FRMPD2: variants seen among roughly 807,000 people sequenced by gnomAD.
FRMPD2 encodes the protein FERM and PDZ domain-containing protein 2.
FRMPD2 carries 96 observed loss-of-function variants against 140.1 expected under a neutral mutation model. The ratio of observed to expected loss-of-function variants is 0.69; its 90% CI spans 0.58 to 0.81. The LOEUF is 0.81. Among genes scored for constraint, FRMPD2 ranks in the 40% least tolerant of loss-of-function variants. The pLI is 0.00. For synonymous variants in FRMPD2, 449 were observed against 547.6 expected, an observed-to-expected ratio of 0.82 and a Z score of 2.52; for missense variants, 1,240 against 1,447.4, an observed-to-expected ratio of 0.86 and a Z score of 2.32.
chr10:48,172,692 A>G (rs1176189795), intron 25 of FRMPD2, among the ~76,000 whole-genome samples: 5 of 151,904 alleles, frequency 3.3e-5, no homozygotes, highest in African/African-American at 1.2e-4. Context: ...CTGGCAGCTG[A>G]TCAAAGGACT....
In FRMPD2 at chr10:48,223,251, C is replaced by G; in HGVS notation, c.1188G>C (p.Leu396=). 6.2e-7 allele frequency: 1 copy of G among 1,613,110 alleles called. No homozygotes were observed. Among genetic ancestry groups the G allele is most frequent in the Non-Finnish European group, 8.5e-7 (1 of 1,179,544 alleles). ...AYMKSKEFFF[L]DSETRLCKIA... ...TTTTGCACAATCTGGTTTCACTGTC[C>G]AGGAAAAAGAACTCTTTGCCTGAAA... Residue 396 remains leucine (L), a synonymous_variant, in exon 11 of 29, where the codon CTG becomes CTC. Transcript: ENST00000374201.
chr10:48,211,154 ATGTGCTTTT>A (rs1839313105), intron 13 of FRMPD2, among the ~76,000 whole-genome samples: 1 of 152,258 alleles, frequency 6.6e-6, no homozygotes, highest in Non-Finnish European at 1.5e-5. Flanking sequence ...GACAAAGAGC[ATGTGCTTTT>A]TGTCTCCATT....
rs768290532 is a variant in FRMPD2 at position 48,184,566 on chromosome 10, C to A, written c.2584G>T (p.Gly862Cys). The A allele has an allele frequency of 5.7e-6, 9 of 1,591,258 alleles. No homozygotes were observed. The South Asian group carries it at 7.7e-5, about 14-fold the overall frequency. Residue 862 changes from glycine (G) to cysteine (C), a missense_variant and splice_region_variant, in exon 20 of 29, where the codon GGT (glycine) becomes TGT (cysteine). By Grantham distance (159) the Gly-to-Cys change is radical (BLOSUM62 -3). Transcript: ENST00000374201. ...CTCCCAAGAGTGGGTTAAAACATAC[C>A]TTTTGACTGAGAAATAATTAATTCT... ...NIELIISQSK[G>C]VGGNNPDEEK...
intron 24 of FRMPD2, among the ~76,000 whole-genome samples, chr10:48,174,387 A>G (rs1339521356): frequency 6.6e-6 from 1 of 152,234 alleles, no homozygotes; most frequent in Non-Finnish European, 1.5e-5. Context: ...CCTCATTGTG[A>G]GGAAAAGAAT....
chr10:48,264,556 G>C (rs187718664), intron 1 of FRMPD2, among the ~76,000 whole-genome samples: 2 of 152,076 alleles, frequency 1.3e-5, no homozygotes, highest in East Asian at 3.9e-4. Context: ...AAATTTTGAA[G>C]TATGTAGAAA....
chr10:48,232,509 G>A (rs1293109696), intron 9 of FRMPD2, among the ~76,000 whole-genome samples: 1 of 152,202 alleles, frequency 6.6e-6, no homozygotes, highest in Non-Finnish European at 1.5e-5. Flanking sequence ...GGCAGGAACT[G>A]GACTCAAATC....
intron 12 of FRMPD2, among the ~76,000 whole-genome samples, chr10:48,221,016 T>C (rs1839573647): frequency 6.6e-6 from 1 of 152,196 alleles, no homozygotes; most frequent in Non-Finnish European, 1.5e-5. Flanking sequence ...ACAACCACTA[T>C]GGAAAGCAGT....
At chr10:48,260,624 T>C (rs1301597934) in intron 1 of FRMPD2, among the ~76,000 whole-genome samples, 2 of 152,152 alleles carry the variant, frequency 1.3e-5, no homozygotes, top group African/African-American at 4.8e-5. Flanking sequence ...TACCTACAGC[T>C]ATAGCAAACA....
rs373306632 is a variant in FRMPD2, at chr10:48,238,217, G to T, written c.789-94C>A. The T allele has an allele frequency of 1.2e-4, 150 of 1,290,726 alleles. 1 individual carries two copies. In the African/African-American group the frequency reaches 1.8e-3, roughly 16 times the overall value. 80.0% of individuals were successfully genotyped at this position (1,290,726 alleles called of 1,614,324 possible). A position where few individuals can be genotyped will look rare whatever the true frequency, so the allele number is the denominator to read the frequency against. ...CCGCACAGGGGCTCAGTTGGGCAGG[G>T]TGCACCCACTGATGCATGTCACCTT... is the stretch of plus-strand genomic sequence containing the variant. On this transcript the variant is annotated intron_variant, in intron 7 of 28. Transcript: ENST00000374201.
chr10:48,216,589 G>T (rs1839456480), intron 12 of FRMPD2, among the ~76,000 whole-genome samples: 1 of 152,214 alleles, frequency 6.6e-6, no homozygotes, highest in South Asian at 2.1e-4. Context: ...AAGGTTAGCA[G>T]TTGTGTCATT....
chr10:48,177,351 T>A (rs1480563848), intron 22 of FRMPD2: 2 of 151,254 alleles, frequency 1.3e-5, no homozygotes, highest in East Asian at 3.9e-4. Flanking sequence ...GACCTTGCGA[T>A]CCACCCGCCT....
chr10:48,201,146 T>A, intron 15 of FRMPD2, 82 bp downstream of exon 15: 1 of 1,070,204 alleles, frequency 9.3e-7, no homozygotes, highest in Non-Finnish European at 1.3e-6. Context: ...GGTCCCCAGA[T>A]CAATTGTATC....
chr10:48,239,509 C>A (rs1406926609), intron 7 of FRMPD2, 96 bp downstream of exon 7: 1 of 810,978 alleles, frequency 1.2e-6, no homozygotes, highest in Admixed American at 2.5e-5. Context: ...GAGCAAGAGG[C>A]TTCTTACTAA....
chr10:48,240,163 T>C (rs1272764291), intron 6 of FRMPD2, among the ~76,000 whole-genome samples, 197 bp downstream of exon 6: 1 of 152,238 alleles, frequency 6.6e-6, no homozygotes, highest in Non-Finnish European at 1.5e-5. Context: ...AACTGTGTTG[T>C]GTCCCCAAAT....
chr10:48,182,582 C>G (rs1414642169), intron 20 of FRMPD2, among the ~76,000 whole-genome samples: 1 of 152,194 alleles, frequency 6.6e-6, no homozygotes, highest in Non-Finnish European at 1.5e-5. Flanking sequence ...GAAACATCTT[C>G]CTCTGGCAGT....
chr10:48,182,394 T>G (rs1279770569), intron 20 of FRMPD2, among the ~76,000 whole-genome samples: 1 of 152,198 alleles, frequency 6.6e-6, no homozygotes, highest in Non-Finnish European at 1.5e-5. Context: ...CTGGGAGACC[T>G]TTTTTGGTAA....
chr10:48,270,442 G>C (rs987708073), intron 1 of FRMPD2, among the ~76,000 whole-genome samples: 1 of 152,186 alleles, frequency 6.6e-6, no homozygotes, highest in Non-Finnish European at 1.5e-5. Flanking sequence ...TGACAAAGAT[G>C]TATATTCAAA....
chr10:48,243,730 G>A (rs1394769879), intron 4 of FRMPD2, among the ~76,000 whole-genome samples: 1 of 152,126 alleles, frequency 6.6e-6, no homozygotes, highest in South Asian at 2.1e-4. Flanking sequence ...TCGTGAGCTG[G>A]TCTCTTAGAA....
intron 24 of FRMPD2, among the ~76,000 whole-genome samples, chr10:48,174,467 C>A (rs2579670): frequency 2.0e-5 from 3 of 152,060 alleles, no homozygotes; most frequent in Non-Finnish European, 2.9e-5. Context: ...GAACAGGGAA[C>A]GGAGTGGGGT....
Sources: gnomAD v4.1 joint callset for allele counts (sites outside exome capture counted in the v4.1 genomes callset) on GRCh38, gnomAD v4.1.1 for gene constraint, MANE v1.5 for transcripts, NCBI Gene and HGNC (gene_info 2026-07-23, HGNC 2026-07-21) for gene names.